Variants in SOX5 observed in about 807,000 individuals in gnomAD.
SOX5 encodes SRY-box transcription factor 5.
A neutral mutation model predicts 92.0 loss-of-function variants in SOX5; 9 were observed. The observed-to-expected ratio is 0.10, with a 90% CI of 0.06 to 0.17. The LOEUF is 0.17. Ranked by LOEUF, SOX5 falls within the 10% of genes least tolerant of loss-of-function variation. SOX5 has a pLI of 1.00. For synonymous variants in SOX5, 344 were observed against 336.3 expected (o/e 1.02, Z -0.25); for missense variants, 642 against 944.5 (o/e 0.68, Z 4.20).
At chr12:24,048,134 C>T (rs1957227352) in intron 4 of SOX5, among the ~76,000 whole-genome samples, 1 of 152,150 alleles carries the variant, frequency 6.6e-6, no homozygotes, top group Admixed American at 6.5e-5. Flanking sequence ...GCATGAACAG[C>T]TTTCTGATAC....
At chr12:24,347,367 A>C (rs1248400093) in intron 2 of SOX5, among the ~76,000 whole-genome samples, 2 of 152,142 alleles carry the variant, frequency 1.3e-5, no homozygotes, top group African/African-American at 4.8e-5. Flanking sequence ...CCAATCCTTC[A>C]AGGATAACCA....
chr12:24,314,611 C>T (rs1467736052), intron 2 of SOX5, among the ~76,000 whole-genome samples: 1 of 152,188 alleles, frequency 6.6e-6, no homozygotes, highest in Non-Finnish European at 1.5e-5. Flanking sequence ...ATCAACGCTT[C>T]CCATCTCATT....
intron 2 of SOX5, among the ~76,000 whole-genome samples, chr12:23,862,877 T>C (rs1057173979): frequency 6.6e-6 from 1 of 152,214 alleles, no homozygotes; most frequent in African/African-American, 2.4e-5. Flanking sequence ...TCACTCACTG[T>C]AGGCCAAATT....
intron 4 of SOX5, among the ~76,000 whole-genome samples, chr12:24,204,314 TATTATTATTATTA>T (rs1957813863): frequency 6.8e-6 from 1 of 146,172 alleles, no homozygotes; most frequent in Admixed American, 6.9e-5. Context: ...TTTCCATTAT[TATTATTATTATTA>T]ATTATTATTA....
intron 1 of SOX5, among the ~76,000 whole-genome samples, chr12:24,427,134 T>C (rs547847074): frequency 3.9e-5 from 6 of 152,248 alleles, no homozygotes; most frequent in Non-Finnish European, 8.8e-5. Flanking sequence ...AACAGGTGTT[T>C]TATAAATATT....
chr12:23,709,744 C>T (rs2091851015), intron 6 of SOX5, among the ~76,000 whole-genome samples: 2 of 152,084 alleles, frequency 1.3e-5, no homozygotes, highest in Non-Finnish European at 2.9e-5. Flanking sequence ...CTGTTCATGT[C>T]TGTTTGACTT....
intron 11 of SOX5, among the ~76,000 whole-genome samples, chr12:23,554,478 G>A (rs1473103967): frequency 1.3e-5 from 2 of 152,066 alleles, no homozygotes; most frequent in Non-Finnish European, 2.9e-5. Context: ...AAGAGACTGG[G>A]CTTTGAGCTG....
At chr12:23,937,839 T>C (rs920128532) in intron 1 of SOX5, among the ~76,000 whole-genome samples, 3 of 150,992 alleles carry the variant, frequency 2.0e-5, no homozygotes, top group Non-Finnish European at 3.0e-5. Flanking sequence ...CAAAACCCTA[T>C]GGTTTTTCTA....
chr12:24,017,004 G>C (rs1040598815), intron 4 of SOX5, among the ~76,000 whole-genome samples: 2 of 152,118 alleles, frequency 1.3e-5, no homozygotes, highest in African/African-American at 4.8e-5. Flanking sequence ...TAATATAGTC[G>C]GTGGAAATAA....
At chr12:24,465,962 A>G (rs1454321866) in intron 1 of SOX5, among the ~76,000 whole-genome samples, 1 of 152,222 alleles carries the variant, frequency 6.6e-6, no homozygotes, top group African/African-American at 2.4e-5. Flanking sequence ...TCGTCTACTA[A>G]TAATACTATG....
intron 1 of SOX5, among the ~76,000 whole-genome samples, chr12:24,440,759 G>A (rs1940410593): frequency 1.3e-5 from 2 of 152,216 alleles, no homozygotes; most frequent in South Asian, 4.1e-4. Flanking sequence ...CCCTCAAGGA[G>A]AGGTGAGGCA....
chr12:23,861,510 T>C (rs921429600), intron 2 of SOX5, among the ~76,000 whole-genome samples: 45 of 152,204 alleles, frequency 3.0e-4, no homozygotes, highest in African/African-American at 1.0e-3. Context: ...TTTCCACTTC[T>C]ACAATTCTAC....
chr12:23,529,994 A>AATC lies in SOX5; in HGVS notation c.*4222_*4224dup. ...GGAAACACTGGGGAGGACAGGAATCAATCAATCAGTAGGAAACTCAACACA... is the reference window on the plus strand; with the variant it reads ...GGAAACACTGGGGAGGACAGGAATCAATCATCAATCAGTAGGAAACTCAACACA... On this transcript the variant is annotated 3_prime_UTR_variant, in exon 15 of 15. Transcript: ENST00000451604. 1 of 152,288 alleles carries AATC rather than the reference A, an allele frequency of 6.6e-6. No homozygotes were observed. Among genetic ancestry groups the AATC allele is most frequent in the South Asian group, 2.1e-4 (1 of 4,818 alleles). The allele number at this position is 152,288 out of a possible 1,614,324, so 9.4% of individuals were successfully genotyped here.
chr12:23,996,112 A>G (rs1033013910), intron 4 of SOX5, among the ~76,000 whole-genome samples: 5 of 152,224 alleles, frequency 3.3e-5, no homozygotes, highest in African/African-American at 1.2e-4. Flanking sequence ...ATCAAATTAT[A>G]TCATATAACA....
chr12:23,719,874 T>A (rs2140527450), intron 6 of SOX5, among the ~76,000 whole-genome samples: 1 of 151,600 alleles, frequency 6.6e-6, no homozygotes, highest in South Asian at 2.1e-4. Flanking sequence ...GATGATCTGC[T>A]GTTCAAGAGT....
intron 8 of SOX5, 102 bp from the exon 9 acceptor site, chr12:23,604,635 G>A (rs981156613): frequency 9.3e-6 from 11 of 1,179,612 alleles, no homozygotes; most frequent in South Asian, 4.3e-5. Context: ...TTTTTCCTAT[G>A]AGCATTTTGT....
intron 1 of SOX5, among the ~76,000 whole-genome samples, chr12:24,553,156 C>G (rs1276719027): frequency 1.3e-5 from 2 of 152,172 alleles, no homozygotes; most frequent in African/African-American, 4.8e-5. Context: ...GTTAGTGCTC[C>G]CATTTTACAG....
intron 9 of SOX5, among the ~76,000 whole-genome samples, chr12:23,584,129 C>T (rs1950399672): frequency 6.6e-6 from 1 of 152,052 alleles, no homozygotes; most frequent in Admixed American, 6.6e-5. Context: ...AAAAGGAAAG[C>T]ACAACAACAC....
chr12:24,469,519 T>C (rs1453214573), intron 1 of SOX5, among the ~76,000 whole-genome samples: 1 of 152,228 alleles, frequency 6.6e-6, no homozygotes, highest in Non-Finnish European at 1.5e-5. Context: ...GACTTCCTAA[T>C]ACTTTTATTT....
Sources: gnomAD v4.1 joint callset for allele counts (sites outside exome capture counted in the v4.1 genomes callset) on GRCh38, gnomAD v4.1.1 for gene constraint, MANE v1.5 for transcripts, NCBI Gene and HGNC (gene_info 2026-07-23, HGNC 2026-07-21) for gene names.